The following SMTNL2 variants were observed in gnomAD, a reference collection of about 807,000 sequenced individuals.
The protein encoded by SMTNL2 is smoothelin-like protein 2.
In SMTNL2, 43 loss-of-function variants were observed where a neutral mutation model predicts 44.1. The ratio of observed to expected loss-of-function variants is 0.98; its 90% confidence interval spans 0.76 to 1.26. The LOEUF (loss-of-function observed/expected upper bound fraction) is 1.26, where lower values mean the gene tolerates loss of function less well. SMTNL2 is among the 50% of genes most tolerant of loss of function. The pLI is 0.00. For missense variants in SMTNL2, 646 were observed against 670.2 expected, an observed-to-expected ratio of 0.96 and a Z score of 0.40; for synonymous variants, 317 against 287.6, an observed-to-expected ratio of 1.10 and a Z score of -1.03.
chr17:4,592,208 T>G lies in SMTNL2; in HGVS notation c.400-153T>G, dbSNP rs145857095. On this transcript the variant is annotated intron_variant, in intron 1 of 7. Transcript: ENST00000389313. This position sits in a 1 kb window ranked among gnomAD's most constrained non-coding sequence, Gnocchi z 4.5. ...TGGGGCCATCCCAGCTTTTGCTGTG[T>G]GACTTGGCCCGTCACTTTCTTCCTG... is the stretch of plus-strand genomic sequence containing the variant. 7.2e-3 allele frequency: 5,182 copies of G among 723,478 alleles called. 37 individuals carry two copies. Among genetic ancestry groups the G allele is most frequent in the Admixed American group, 0.011 (475 of 43,566 alleles). The allele number at this position is 723,478 out of a possible 1,614,324, so 44.8% of individuals were successfully genotyped here. A position where few individuals can be genotyped will look rare whatever the true frequency, so the allele number is the denominator to read the frequency against.
At chr17:4,589,280 G>C (rs531071849) in intron 1 of SMTNL2, among the ~76,000 whole-genome samples, 1 of 152,274 alleles carries the variant, frequency 6.6e-6, no homozygotes, top group East Asian at 1.9e-4. Flanking sequence ...TGGGAAAATG[G>C]TTTCACCCTC....
chr17:4,597,153 C>T lies in SMTNL2; in HGVS notation c.1108-19C>T, dbSNP rs1909852445. On this transcript the variant is annotated intron_variant, in intron 6 of 7. Transcript: ENST00000389313. ...TGCCCAGCTGCCCTCCCGCACTGAC[C>T]CCACTCACCCTGTTGCAGCACGTGG... The T allele has an allele frequency of 1.2e-6, 2 of 1,610,484 alleles. No homozygotes were observed. Among genetic ancestry groups the T allele is most frequent in the Admixed American group, 1.7e-5 (1 of 59,822 alleles).
intron 3 of SMTNL2, 39 bp downstream of exon 3, chr17:4,593,210 C>T: frequency 6.5e-7 from 1 of 1,536,126 alleles, no homozygotes; most frequent in Non-Finnish European, 8.8e-7. Context: ...CAGACCTCCC[C>T]TTGGGATGGG....
intron 4 of SMTNL2, among the ~76,000 whole-genome samples, chr17:4,594,909 A>T (rs1038089551): frequency 3.9e-5 from 6 of 152,032 alleles, no homozygotes; most frequent in African/African-American, 1.4e-4. Flanking sequence ...AGGGGTGGTT[A>T]TGTCCAGATC....
In SMTNL2 at chr17:4,592,509, T is replaced by G; in HGVS notation, c.487+61T>G. On this transcript the variant is annotated intron_variant, in intron 2 of 7. Transcript: ENST00000389313. This position sits in a 1 kb window ranked among gnomAD's most constrained non-coding sequence, Gnocchi z 4.5. ...GTTTGGGGGTTAAGTAAGGCCTTGG[T>G]CAGGTATCTGTGCCAGGCTGGCCCT... The G allele has an allele frequency of 6.6e-7, 1 of 1,508,294 alleles. No homozygotes were observed. Among genetic ancestry groups the G allele is most frequent in the South Asian group, 1.2e-5 (1 of 82,322 alleles). The allele number at this position is 1,508,294 out of a possible 1,614,324, so 93.4% of individuals were successfully genotyped here.
At chr17:4,604,098 G>C (rs1910162921) in intron 7 of SMTNL2, among the ~76,000 whole-genome samples, 1 of 152,166 alleles carries the variant, frequency 6.6e-6, no homozygotes, top group African/African-American at 2.4e-5. Flanking sequence ...GCCCACCTCA[G>C]CCTCTTAAAA....
rs764287737 is a variant in SMTNL2 at position 4,595,151 on chromosome 17, G to T, written c.813G>T (p.Pro271=). 6.2e-7 allele frequency: 1 copy of T among 1,613,006 alleles called. No homozygotes were observed. The highest frequency in any genetic ancestry group is 1.3e-5 in the African/African-American group (1 of 74,920). Residue 271 remains proline, a synonymous_variant, in exon 5 of 8, where the codon CCG becomes CCT. Transcript: ENST00000389313. This position sits in a 1 kb window ranked among gnomAD's most constrained non-coding sequence, Gnocchi z 5.1. ...VTASKHSNSP[P]LVTPPQSPVS... is the part of the protein sequence containing the mutation. Reference sequence around the variant, plus strand: ...TCGGCGATTCTTTCCTCAGCCCACCGCTGGTGACACCACCCCAGTCGCCCG... The same window carrying T: ...TCGGCGATTCTTTCCTCAGCCCACCTCTGGTGACACCACCCCAGTCGCCCG...
At position 4,604,961 on chromosome 17, in the gene SMTNL2, G is replaced by C. The variant is rs144845330; in HGVS notation, c.1260-2400G>C. Among the ~76,000 whole-genome samples the C allele has an allele frequency of 1.1e-4, 17 of 152,118 alleles. No individual in the cohort carries two copies. In the East Asian group the frequency reaches 2.3e-3, roughly 21 times the overall value. On this transcript the variant is annotated intron_variant, in intron 7 of 7. Coordinates refer to ENST00000389313, the MANE Select transcript of SMTNL2 (RefSeq NM_001114974.2). ...GCCGGGATTACAGGTGTGAGCCACC[G>C]TGCCCGGCCAGTATTCCGATTTTGT...
At chr17:4,604,681 CTTTTTTTTT>C (rs922102364) in intron 7 of SMTNL2, among the ~76,000 whole-genome samples, 4 of 151,452 alleles carry the variant, frequency 2.6e-5, no homozygotes, top group South Asian at 2.1e-4. Flanking sequence ...TGATTTTTTT[CTTTTTTTTT>C]GAGACAGAGT....
intron 7 of SMTNL2, among the ~76,000 whole-genome samples, chr17:4,603,726 G>C (rs1249143972): frequency 6.6e-6 from 1 of 152,222 alleles, no homozygotes; most frequent in Non-Finnish European, 1.5e-5. Context: ...AATAGCAGGT[G>C]TGGGAGTGGA....
chr17:4,605,213 G>A (rs1420787141), intron 7 of SMTNL2, among the ~76,000 whole-genome samples: 1 of 141,660 alleles, frequency 7.1e-6, no homozygotes, highest in Non-Finnish European at 1.5e-5. Flanking sequence ...CCAGGCTGGA[G>A]TGCAGTGGTG....
In SMTNL2 at chr17:4,595,597, G is replaced by A. The variant is rs946991638; in HGVS notation, c.989+270G>A. ...AGCCCCTCTCTCCTCCTCCATTCCCGAGGCCCCCTGTCCTGTCTCTGGTGC... is the reference window on the plus strand; with the variant it reads ...AGCCCCTCTCTCCTCCTCCATTCCCAAGGCCCCCTGTCCTGTCTCTGGTGC... On this transcript the variant is annotated intron_variant, in intron 5 of 7. Coordinates refer to ENST00000389313, the MANE Select transcript of SMTNL2 (RefSeq NM_001114974.2). The surrounding 1 kb of genome is among the most constrained non-coding windows in gnomAD (Gnocchi z 5.1). 6.6e-6 allele frequency among the ~76,000 whole-genome samples: 1 copy of A among 152,202 alleles called. No individual in the cohort carries two copies. Among genetic ancestry groups the A allele is most frequent in the Non-Finnish European group, 1.5e-5 (1 of 68,016 alleles).
At position 4,584,726 on chromosome 17, in the gene SMTNL2, G is replaced by T. The variant is rs991050291; in HGVS notation, c.121G>T (p.Gly41Cys). The T allele has an allele frequency of 7.7e-7, 1 of 1,304,994 alleles. No homozygotes were observed. The highest frequency in any genetic ancestry group is 9.7e-7 in the Non-Finnish European group (1 of 1,030,718). The allele number at this position is 1,304,994 out of a possible 1,614,324, so 80.8% of individuals were successfully genotyped here. Residue 41 changes from glycine to cysteine, a missense_variant, in exon 1 of 8, where the codon GGC (glycine) becomes TGC (cysteine). Transcript: ENST00000389313. ...CGAGGACATGCGGGGGCTGCAGCGC[G>T]GCGTGGAGCGGCGAGTGGCAGAGGC... ...LHEDMRGLQR[G>C]VERRVAEAMR...
At position 4,604,120 on chromosome 17, in the gene SMTNL2, C is replaced by T. The variant is rs879480035; in HGVS notation, c.1260-3241C>T. Among the ~76,000 whole-genome samples the T allele has an allele frequency of 3.3e-5, 5 of 152,186 alleles. No individual in the cohort carries two copies. The East Asian group carries it at 7.7e-4, about 23-fold the overall frequency. ...TCAGCCTCTTAAAATGTTGGGATGA[C>T]AGGCATGAGCCACCGCGCCCGGCCT... On this transcript the variant is annotated intron_variant, in intron 7 of 7. Transcript: ENST00000389313.
Position 4,584,945 on chromosome 17 carries a change from CG to C in SMTNL2, c.341del (p.Arg114ProfsTer32). On this transcript the variant is annotated frameshift_variant, in exon 1 of 8. Transcript: ENST00000389313. LOFTEE classifies it high-confidence loss of function. ...GCCCGGGGTTCCCGACCGCGCGCCC[CG>C]CCTGGGCAGCGCACGCTTCGCCAGC... ...PAPGVPDRAP[R>X]LGSARFASHA... 7.4e-7 allele frequency: 1 copy of C among 1,345,370 alleles called. No individual in the cohort carries two copies. Among genetic ancestry groups the C allele is most frequent in the Non-Finnish European group, 9.5e-7 (1 of 1,051,342 alleles). The allele number at this position is 1,345,370 out of a possible 1,614,324, so 83.3% of individuals were successfully genotyped here.
chr17:4,593,981 C>T, intron 4 of SMTNL2, 84 bp downstream of exon 4: 1 of 1,489,744 alleles, frequency 6.7e-7, no homozygotes, highest in Non-Finnish European at 9.3e-7. Context: ...AGGGTTGGCC[C>T]TGGGGTTGGT....
upstream of SMTNL2, chr17:4,584,448 C>A: frequency 2.6e-6 from 2 of 768,506 alleles, no homozygotes; most frequent in South Asian, 6.7e-5. Context: ...GTCCCGGAGT[C>A]GTCCCCGGCT....
chr17:4,593,200 C>T, intron 3 of SMTNL2, 29 bp downstream of exon 3: 1 of 1,546,452 alleles, frequency 6.5e-7, no homozygotes, highest in Non-Finnish European at 8.8e-7. Flanking sequence ...GGCCTTGGGG[C>T]AGACCTCCCC....
chr17:4,592,539 C>G lies in SMTNL2; in HGVS notation c.487+91C>G. On this transcript the variant is annotated intron_variant, in intron 2 of 7. Transcript: ENST00000389313. This position sits in a 1 kb window ranked among gnomAD's most constrained non-coding sequence, Gnocchi z 4.5. ...TATCTGTGCCAGGCTGGCCCTTGGC[C>G]TGGCATCGGGGGGACTCTATCCTGA... is the stretch of plus-strand genomic sequence containing the variant. The G allele has an allele frequency of 2.4e-6, 3 of 1,272,562 alleles. No homozygotes were observed. The highest frequency in any genetic ancestry group is 1.5e-5 in the African/African-American group (1 of 67,348). 78.8% of individuals were successfully genotyped at this position (1,272,562 alleles called of 1,614,324 possible).
Sources: gnomAD v4.1 joint callset for allele counts (sites outside exome capture counted in the v4.1 genomes callset) on GRCh38, gnomAD v4.1.1 for gene constraint, Gnocchi (gnomAD v3.1) non-coding constraint, MANE v1.5 for transcripts, NCBI Gene and HGNC (gene_info 2026-07-23, HGNC 2026-07-21) for gene names.